SORCS1: variants seen among roughly 807,000 people sequenced by gnomAD.
SORCS1 encodes the protein sortilin related VPS10 domain containing receptor 1.
SORCS1 carries 60 observed loss-of-function variants against 146.1 expected under a neutral mutation model. The observed-to-expected ratio is 0.41, with a 90% CI of 0.33 to 0.51. The LOEUF is 0.51. SORCS1 is among the 20% of genes least tolerant of loss of function. SORCS1 has a pLI of 0.21. For missense variants in SORCS1, 1,352 were observed against 1,487.6 expected (o/e 0.91, Z 1.50); for synonymous variants, 637 against 584.0 (o/e 1.09, Z -1.31).
intron 1 of SORCS1, among the ~76,000 whole-genome samples, chr10:106,989,015 C>T (rs577038534): frequency 8.2e-4 from 124 of 151,472 alleles, no homozygotes; most frequent in Admixed American, 3.4e-3. Context: ...AATCCCAGCA[C>T]TTTGAGAGGC....
intron 25 of SORCS1, chr10:106,579,084 C>G: frequency 1.9e-6 from 3 of 1,613,556 alleles, no homozygotes; most frequent in Non-Finnish European, 2.5e-6. Context: ...TACTGGGAAT[C>G]ATTTACCTAT....
chr10:106,607,818 G>C (rs187304443), intron 22 of SORCS1, among the ~76,000 whole-genome samples: 120 of 152,050 alleles, frequency 7.9e-4, no homozygotes, highest in African/African-American at 2.7e-3. Flanking sequence ...TCTTCAAATA[G>C]ACCCACCACA....
chr10:107,102,033 G>C (rs1169866066), intron 1 of SORCS1, among the ~76,000 whole-genome samples: 1 of 151,690 alleles, frequency 6.6e-6, no homozygotes, highest in Non-Finnish European at 1.5e-5. Context: ...GTATGGCCTG[G>C]ATCAAACATA....
At chr10:106,651,431 C>G (rs1208302722) in intron 18 of SORCS1, among the ~76,000 whole-genome samples, 1 of 152,182 alleles carries the variant, frequency 6.6e-6, no homozygotes, top group East Asian at 1.9e-4. Context: ...CTCCAACCTA[C>G]TGAATCAGAA....
rs372906913 is a variant in SORCS1, at chr10:106,914,007, G to A, written c.626+42506C>T. On this transcript the variant is annotated intron_variant, in intron 2 of 25. Transcript: ENST00000263054. ...ATCAACCAATACACACATCCAGCCA[G>A]TGGGAAGATGGCTGTGAAGTTCCCA... Among the ~76,000 whole-genome samples, 3 of 152,202 alleles carry A rather than the reference G, an allele frequency of 2.0e-5. No homozygotes were observed. The East Asian group carries it at 5.8e-4, about 29-fold the overall frequency.
rs535483006 is a variant in SORCS1, at chr10:106,992,676, T to G, written c.559-36096A>C. On this transcript the variant is annotated intron_variant, in intron 1 of 25. Transcript: ENST00000263054. ...CACCTGGCTAATTAAAAAAAAAAAG[T>G]TGTAGAGATGGGATCTTGCTATGAT... is the stretch of plus-strand genomic sequence containing the variant. Among the ~76,000 whole-genome samples the G allele has an allele frequency of 1.3e-4, 20 of 151,574 alleles. 1 individual carries two copies. Among genetic ancestry groups the G allele is most frequent in the African/African-American group, 4.1e-4 (17 of 41,350 alleles).
At chr10:106,923,934 G>A (rs1448415465) in intron 2 of SORCS1, among the ~76,000 whole-genome samples, 1 of 152,258 alleles carries the variant, frequency 6.6e-6, no homozygotes, top group East Asian at 1.9e-4. Context: ...TCTGTGGACT[G>A]TCTTCTCATT....
At position 106,810,980 on chromosome 10, in the gene SORCS1, G is replaced by A. The variant is rs150424017; in HGVS notation, c.726+18594C>T. ...TTTTGAGATGGAGTCTCACTCTGTC[G>A]CCCAGGCTGGAGTGCAGCGGTGCAT... On this transcript the variant is annotated intron_variant, in intron 3 of 25. Transcript: ENST00000263054. Among the ~76,000 whole-genome samples the A allele has an allele frequency of 2.3e-4, 34 of 149,478 alleles. No homozygotes were observed. In the East Asian group the frequency reaches 3.0e-3, roughly 13 times the overall value.
At chr10:107,172,680 G>A in the SORCS1 span, among the ~76,000 whole-genome samples, 17 of 152,246 alleles carry the variant, frequency 1.1e-4, 1 homozygote, top group South Asian at 3.5e-3. Flanking sequence ...CAAAGCTAAT[G>A]CTCTCACATT....
At chr10:106,753,315 C>T (rs924063232) in intron 5 of SORCS1, among the ~76,000 whole-genome samples, 2 of 152,114 alleles carry the variant, frequency 1.3e-5, no homozygotes, top group South Asian at 2.1e-4. Context: ...GCCACATTCT[C>T]TAAGTCTCTT....
chr10:106,674,327 T>TTAAAAAAAAAAAAA (rs1851852087), intron 14 of SORCS1, among the ~76,000 whole-genome samples: 1 of 1,410 alleles, frequency 7.1e-4, no homozygotes, highest in Non-Finnish European at 2.3e-3. Context: ...AGACTCCGTC[T>TTAAAAAAAAAAAAA]CAAAAAAAAA....
chr10:107,148,669 T>A (rs988796237), intron 1 of SORCS1, among the ~76,000 whole-genome samples: 2 of 152,216 alleles, frequency 1.3e-5, no homozygotes, highest in African/African-American at 4.8e-5. Flanking sequence ...TGGATTTAAG[T>A]TGAGTAAGAG....
chr10:107,175,918 G>C, the SORCS1 span, among the ~76,000 whole-genome samples: 1 of 151,854 alleles, frequency 6.6e-6, no homozygotes, highest in Non-Finnish European at 1.5e-5. Flanking sequence ...GGTAATTTTT[G>C]TTTTCTTTCA....
At chr10:106,923,602 G>A (rs1205931101) in intron 2 of SORCS1, among the ~76,000 whole-genome samples, 3 of 152,216 alleles carry the variant, frequency 2.0e-5, no homozygotes, top group Admixed American at 6.5e-5. Context: ...GAGAGTTGCT[G>A]TTGCTCCACG....
chr10:106,739,472 G>C (rs1445424373), intron 5 of SORCS1, among the ~76,000 whole-genome samples: 3 of 149,176 alleles, frequency 2.0e-5, no homozygotes, highest in Non-Finnish European at 4.4e-5. Context: ...GTGACAGAGA[G>C]AGAGAGACTG....
Position 107,012,197 on chromosome 10 carries a change from G to A in SORCS1, c.559-55617C>T, listed in dbSNP as rs541219516. ...GCTTTCCTTCCATTTTCCAAGTTGT[G>A]GTTTAGCCTCAAGGAATAGCCTTGG... is the stretch of plus-strand genomic sequence containing the variant. On this transcript the variant is annotated intron_variant, in intron 1 of 25. Coordinates refer to ENST00000263054, the MANE Select transcript of SORCS1 (RefSeq NM_052918.5). 9.1e-4 allele frequency among the ~76,000 whole-genome samples: 139 copies of A among 152,196 alleles called. 1 individual carries two copies. The highest frequency in any genetic ancestry group is 2.7e-3 in the Admixed American group (41 of 15,294).
intron 9 of SORCS1, among the ~76,000 whole-genome samples, chr10:106,692,853 G>A (rs1233641845): frequency 1.3e-5 from 2 of 151,610 alleles, no homozygotes; most frequent in Non-Finnish European, 2.9e-5. Context: ...AAATATTTAA[G>A]GTGATGAATA....
chr10:106,926,772 G>T (rs1953043581), intron 2 of SORCS1, among the ~76,000 whole-genome samples: 1 of 150,984 alleles, frequency 6.6e-6, no homozygotes, highest in Admixed American at 6.6e-5. Context: ...GATGGTACTA[G>T]ATCAAGGGTC....
upstream of SORCS1, among the ~76,000 whole-genome samples, chr10:107,167,939 C>A (rs901468516): frequency 1.3e-5 from 2 of 151,914 alleles, no homozygotes; most frequent in African/African-American, 4.8e-5. Flanking sequence ...GACACTCTGC[C>A]CTACAAGGCA....
Sources: allele counts gnomAD v4.1 joint callset (sites outside exome capture counted in the v4.1 genomes callset), GRCh38; gene constraint gnomAD v4.1.1; transcripts MANE v1.5; gene names NCBI Gene and HGNC (gene_info 2026-07-23, HGNC 2026-07-21).